Variants in CLVS1 observed in about 807,000 individuals in gnomAD.
CLVS1 encodes the protein clavesin-1.
CLVS1 carries 10 observed loss-of-function variants against 33.1 expected under a neutral mutation model. That is an observed-to-expected ratio of 0.30 (90% confidence interval 0.19 to 0.51). The LOEUF (loss-of-function observed/expected upper bound fraction) is 0.51, where lower values mean the gene tolerates loss of function less well. Among genes scored for constraint, CLVS1 ranks in the 20% least tolerant of loss-of-function variants. The pLI is 0.97. For missense variants in CLVS1, 343 were observed against 433.4 expected (o/e 0.79, Z 1.85); for synonymous variants, 163 against 166.1 (o/e 0.98, Z 0.14).
intron 2 of CLVS1, among the ~76,000 whole-genome samples, chr8:61,233,773 A>T (rs922475520): frequency 2.6e-5 from 4 of 152,216 alleles, no homozygotes; most frequent in African/African-American, 9.6e-5. Context: ...AGACAAGCGT[A>T]CATCCTTGAT....
At chr8:61,143,780 CATATT>C (rs1386210092) in intron 2 of CLVS1, among the ~76,000 whole-genome samples, 5 of 122,158 alleles carry the variant, frequency 4.1e-5, no homozygotes, top group African/African-American at 1.6e-4. Context: ...ATAATATGTA[CATATT>C]ATATATACAT....
intron 2 of CLVS1, among the ~76,000 whole-genome samples, chr8:61,161,052 A>G (rs1243968810): frequency 2.0e-5 from 3 of 152,206 alleles, no homozygotes; most frequent in Non-Finnish European, 4.4e-5. Flanking sequence ...GAAAATAAAT[A>G]AATGGCAAAC....
At chr8:61,039,646 T>C in the CLVS1 span, among the ~76,000 whole-genome samples, 1 of 152,144 alleles carries the variant, frequency 6.6e-6, no homozygotes, top group Non-Finnish European at 1.5e-5. Flanking sequence ...GCTCAAGTGA[T>C]CCTCCTGCCT....
chr8:61,037,877 A>G, the CLVS1 span, among the ~76,000 whole-genome samples: 1 of 152,188 alleles, frequency 6.6e-6, no homozygotes, highest in Non-Finnish European at 1.5e-5. Flanking sequence ...AAACAGCAGG[A>G]CGCACTGAGA....
intron 1 of CLVS1, among the ~76,000 whole-genome samples, chr8:61,296,403 C>G (rs1042296902): frequency 1.3e-5 from 2 of 152,204 alleles, no homozygotes; most frequent in Non-Finnish European, 2.9e-5. Flanking sequence ...TAAATTATCT[C>G]AGAAACATTG....
chr8:61,299,296 A>G (rs1462323429), intron 1 of CLVS1, among the ~76,000 whole-genome samples: 1 of 152,182 alleles, frequency 6.6e-6, no homozygotes, highest in Non-Finnish European at 1.5e-5. Context: ...TTTCTCTGCC[A>G]TATCCAGGCC....
At chr8:61,281,728 A>G (rs1809674970) in intron 2 of CLVS1, among the ~76,000 whole-genome samples, 1 of 152,022 alleles carries the variant, frequency 6.6e-6, no homozygotes, top group African/African-American at 2.4e-5. Context: ...ATCCCACTAA[A>G]TATCCAAGGC....
chr8:61,150,850 G>A (rs1585645910), intron 2 of CLVS1, among the ~76,000 whole-genome samples: 1 of 152,170 alleles, frequency 6.6e-6, no homozygotes, highest in South Asian at 2.1e-4. Context: ...AGGTTGCTAT[G>A]CTGGGAGGAT....
the CLVS1 span, among the ~76,000 whole-genome samples, chr8:61,005,515 A>G: frequency 1.3e-5 from 2 of 152,126 alleles, no homozygotes. Context: ...AAAAGCCCCC[A>G]CATGGACGCC....
the CLVS1 span, among the ~76,000 whole-genome samples, chr8:61,000,151 A>C: frequency 6.6e-6 from 1 of 152,230 alleles, no homozygotes. Context: ...GTATTCACTG[A>C]TTTGCTCTGA....
chr8:61,108,303 G>A (rs1176143786), intron 1 of CLVS1, among the ~76,000 whole-genome samples: 3 of 151,524 alleles, frequency 2.0e-5, no homozygotes, highest in Non-Finnish European at 4.4e-5. Context: ...AATATTAGTT[G>A]CAAATATATG....
chr8:60,998,147 G>A, the CLVS1 span, among the ~76,000 whole-genome samples: 1 of 152,160 alleles, frequency 6.6e-6, no homozygotes, highest in Non-Finnish European at 1.5e-5. Flanking sequence ...AAGACAAAAG[G>A]AGAAAAGTGC....
At chr8:61,027,429 T>G in the CLVS1 span, among the ~76,000 whole-genome samples, 1 of 152,168 alleles carries the variant, frequency 6.6e-6, no homozygotes, top group African/African-American at 2.4e-5. Context: ...CTAGACAATG[T>G]CAAAAATTGG....
At chr8:61,478,582 T>C (rs1818054510) in intron 5 of CLVS1, among the ~76,000 whole-genome samples, 1 of 152,230 alleles carries the variant, frequency 6.6e-6, no homozygotes, top group South Asian at 2.1e-4. Context: ...TGGCCTTCTA[T>C]GTCTCTTTTG....
In CLVS1 at chr8:61,195,299, G is replaced by GGAGA. The variant is rs138426810; in HGVS notation, c.-152+63454_-152+63457dup. On this transcript the variant is annotated intron_variant, in intron 2 of 2. Coordinates refer to the CLVS1 transcript ENST00000522621. Reference sequence around the variant, plus strand: ...GGAAGGGTGGGAGACAGAGATTGGGGGAGAGAGAGAGAGAGAGATTCCAAA... The same window carrying GGAGA: ...GGAAGGGTGGGAGACAGAGATTGGGGGAGAGAGAGAGAGAGAGAGAGATTCCAAA... 1.8e-4 allele frequency among the ~76,000 whole-genome samples: 27 copies of GGAGA among 150,622 alleles called. No individual in the cohort carries two copies. In the South Asian group the frequency reaches 5.0e-3, roughly 28 times the overall value.
intron 3 of CLVS1, among the ~76,000 whole-genome samples, chr8:61,381,732 C>T (rs997525604): frequency 1.3e-5 from 2 of 152,136 alleles, no homozygotes; most frequent in African/African-American, 4.8e-5. Flanking sequence ...AAATTATGGC[C>T]TCCATTTGCA....
intron 1 of CLVS1, 198 bp downstream of exon 1, chr8:61,288,336 G>T (rs1481754845): frequency 8.9e-6 from 4 of 449,750 alleles, no homozygotes; most frequent in Admixed American, 4.7e-5. Context: ...CCCGGCGCCC[G>T]CTCAGCCTGC....
exon 1 of CLVS1, chr8:61,057,179 C>G (rs1189015697): frequency 6.6e-6 from 1 of 152,150 alleles, no homozygotes; most frequent in African/African-American, 2.4e-5. Context: ...TCCAAGAACC[C>G]AAGAGGTAAG....
chr8:61,026,086 A>G, the CLVS1 span, among the ~76,000 whole-genome samples: 1 of 148,104 alleles, frequency 6.8e-6, no homozygotes, highest in Non-Finnish European at 1.5e-5. Context: ...CCAGTACCTC[A>G]GAATGAGACT....
Sources: gnomAD v4.1 joint callset for allele counts (sites outside exome capture counted in the v4.1 genomes callset) on GRCh38, gnomAD v4.1.1 for gene constraint, MANE v1.5 for transcripts, NCBI Gene and HGNC (gene_info 2026-07-23, HGNC 2026-07-21) for gene names.